The following LTN1 variants were observed in gnomAD, a reference collection of about 807,000 sequenced individuals.
LTN1 encodes the protein E3 ubiquitin-protein ligase listerin.
In LTN1, 88 loss-of-function variants were observed where a neutral mutation model predicts 201.2. That is an observed-to-expected ratio of 0.44 (90% CI 0.37 to 0.52). LTN1 has a LOEUF of 0.52. Among genes scored for constraint, LTN1 ranks in the 20% least tolerant of loss-of-function variants. LTN1 has a pLI of 0.00. For missense variants in LTN1, 1,752 were observed against 2,038.7 expected (o/e 0.86, Z 2.71); for synonymous variants, 645 against 713.5 (o/e 0.90, Z 1.53).
At chr21:28,938,427 G>A (rs915930738) in intron 25 of LTN1, among the ~76,000 whole-genome samples, 2 of 152,170 alleles carry the variant, frequency 1.3e-5, no homozygotes, top group Non-Finnish European at 2.9e-5. Context: ...ATCTAAAAGA[G>A]TATGTGATTT....
intron 24 of LTN1, 34 bp downstream of exon 24, chr21:28,943,228 A>G: frequency 7.4e-7 from 1 of 1,358,922 alleles, no homozygotes; most frequent in Non-Finnish European, 1.0e-6. Flanking sequence ...GATTATAAGA[A>G]TTTAATAAAA....
chr21:28,991,542 A>C (rs1235650460), intron 1 of LTN1, among the ~76,000 whole-genome samples: 2 of 152,230 alleles, frequency 1.3e-5, no homozygotes, highest in Non-Finnish European at 2.9e-5. Context: ...TAAGAGAGAG[A>C]AAGCAAATGC....
rs2084194594 is a variant in LTN1, at chr21:28,929,522, TAAG to T, written c.*923_*925del. 1 of 152,164 alleles carries T rather than the reference TAAG, an allele frequency of 6.6e-6. No individual in the cohort carries two copies. Among genetic ancestry groups the T allele is most frequent in the Non-Finnish European group, 1.5e-5 (1 of 67,992 alleles). 9.4% of individuals were successfully genotyped at this position (152,164 alleles called of 1,614,324 possible). ...TCTTATTTAGTATAACTTTGGCTGGTAAGAATAGCTCAGTTTGCTTCCAAAATT... is the reference window on the plus strand; with the variant it reads ...TCTTATTTAGTATAACTTTGGCTGGTAATAGCTCAGTTTGCTTCCAAAATT... On this transcript the variant is annotated 3_prime_UTR_variant, in exon 30 of 30. Transcript: ENST00000361371.
intron 25 of LTN1, among the ~76,000 whole-genome samples, chr21:28,938,373 T>C (rs1272817972): frequency 1.3e-5 from 2 of 152,302 alleles, no homozygotes; most frequent in African/African-American, 4.8e-5. Flanking sequence ...AGAGAAAGTA[T>C]GTGCAAATGT....
Position 28,965,802 on chromosome 21 carries a change from C to T in LTN1, c.2163+63G>A, listed in dbSNP as rs191192197. On this transcript the variant is annotated intron_variant, in intron 11 of 29. Transcript: ENST00000361371. Reference sequence around the variant, plus strand: ...CATATTTATTGTGTAAATAGGACTACGGTTATAATATTTCTATTCCCATAA... The same window carrying T: ...CATATTTATTGTGTAAATAGGACTATGGTTATAATATTTCTATTCCCATAA... The T allele has an allele frequency of 1.8e-4, 163 of 926,418 alleles. No individual in the cohort carries two copies. The East Asian group carries it at 2.6e-3, about 15-fold the overall frequency. The allele number at this position is 926,418 out of a possible 1,614,324, so 57.4% of individuals were successfully genotyped here.
intron 11 of LTN1, chr21:28,960,953 T>A: frequency 3.1e-6 from 1 of 322,404 alleles, no homozygotes; most frequent in Non-Finnish European, 5.7e-6. Context: ...CCCCCTTTTT[T>A]TTTTAACTTA....
At chr21:28,970,069 C>T (rs2084561118) in intron 8 of LTN1, among the ~76,000 whole-genome samples, 1 of 152,126 alleles carries the variant, frequency 6.6e-6, no homozygotes, top group South Asian at 2.1e-4. Context: ...TAAAAAAAAT[C>T]TGTAATCATT....
intron 18 of LTN1, among the ~76,000 whole-genome samples, chr21:28,951,609 G>C (rs529099314): frequency 1.8e-4 from 27 of 151,918 alleles, no homozygotes; most frequent in African/African-American, 6.5e-4. Flanking sequence ...AATGCTGTTG[G>C]CTTAAAAAAA....
rs375808977 is a variant in LTN1 at position 28,947,503 on chromosome 21, G to A, written c.3448C>T (p.Leu1150Phe). The A allele has an allele frequency of 3.8e-6, 6 of 1,569,950 alleles. No homozygotes were observed. Among genetic ancestry groups the A allele is most frequent in the East Asian group, 2.3e-5 (1 of 43,074 alleles). Residue 1150 changes from leucine to phenylalanine, a missense_variant, in exon 19 of 30, where the codon CTT becomes TTT. This residue lies in a region of LTN1 where 1,211 missense variants were observed against 1,312.8 expected (regional missense o/e 0.92). Coordinates refer to ENST00000361371, the MANE Select transcript of LTN1 (RefSeq NM_015565.3). ...AGATCTTTCTTAGTCCAGCCCAAAA[G>A]AGCAGGTATACATTGAGCACTAAAT... The part of the protein sequence containing the change: ...KEFSAQCIPA[L>F]LGWTKKDLCS...
intron 1 of LTN1, among the ~76,000 whole-genome samples, chr21:28,988,334 G>C (rs763555185): frequency 2.0e-5 from 3 of 151,950 alleles, no homozygotes; most frequent in Non-Finnish European, 4.4e-5. Context: ...AGGCGTGGTG[G>C]CATGTGCCTG....
At chr21:28,972,269 G>T (rs923543134) in intron 6 of LTN1, among the ~76,000 whole-genome samples, 1 of 152,088 alleles carries the variant, frequency 6.6e-6, no homozygotes, top group Non-Finnish European at 1.5e-5. Flanking sequence ...CTACAGAACC[G>T]TGAGAAATAA....
At position 28,935,026 on chromosome 21, in the gene LTN1, C is replaced by T. The variant is rs576818321; in HGVS notation, c.4875+83G>A. 4.3e-5 allele frequency: 39 copies of T among 905,938 alleles called. No individual in the cohort carries two copies. The East Asian group carries it at 4.9e-4, about 11-fold the overall frequency. The allele number at this position is 905,938 out of a possible 1,614,324, so 56.1% of individuals were successfully genotyped here. A position where few individuals can be genotyped will look rare whatever the true frequency, so the allele number is the denominator to read the frequency against. On this transcript the variant is annotated intron_variant, in intron 27 of 29. Transcript: ENST00000361371. Reference sequence around the variant, plus strand: ...GTTTCTATAAATTCTGAGTTAAGAGCTACAGTCTGTTATGATATTAACAAT... The same window carrying T: ...GTTTCTATAAATTCTGAGTTAAGAGTTACAGTCTGTTATGATATTAACAAT...
At chr21:28,960,811 A>C in intron 11 of LTN1, 105 bp from the exon 12 acceptor site, 1 of 727,096 alleles carries the variant, frequency 1.4e-6, no homozygotes, top group Non-Finnish European at 2.3e-6. Context: ...TCATGGCTCC[A>C]ATTCTATCCC....
At chr21:28,963,071 T>C (rs909179008) in intron 11 of LTN1, among the ~76,000 whole-genome samples, 1 of 152,076 alleles carries the variant, frequency 6.6e-6, no homozygotes, top group Non-Finnish European at 1.5e-5. Context: ...GAAGAAACCA[T>C]CTCCACAATA....
Position 28,943,469 on chromosome 21 carries a change from T to C in LTN1, c.4221-133A>G, listed in dbSNP as rs2084313045. The C allele has an allele frequency of 4.6e-5, 31 of 678,930 alleles. No homozygotes were observed. In the South Asian group the frequency reaches 5.9e-4, roughly 13 times the overall value. 42.1% of individuals were successfully genotyped at this position (678,930 alleles called of 1,614,324 possible). ...TGAGTTTTCTTTAAAATAACTACTA[T>C]AGCCAGGACTATTGAAATATAAATT... On this transcript the variant is annotated intron_variant, in intron 23 of 29. Coordinates refer to ENST00000361371, the MANE Select transcript of LTN1 (RefSeq NM_015565.3).
chr21:28,935,683 A>G (rs957687439), intron 26 of LTN1, among the ~76,000 whole-genome samples: 2 of 152,220 alleles, frequency 1.3e-5, no homozygotes, highest in Admixed American at 6.5e-5. Flanking sequence ...TACTAAAAAT[A>G]CAAAAAATTA....
intron 1 of LTN1, among the ~76,000 whole-genome samples, chr21:28,991,517 G>C (rs1342876457): frequency 6.6e-6 from 1 of 152,114 alleles, no homozygotes; most frequent in African/African-American, 2.4e-5. Context: ...TATAAGTTCA[G>C]AAAAATACAT....
At chr21:28,956,020 G>A (rs746119010) in intron 16 of LTN1, among the ~76,000 whole-genome samples, 4 of 151,610 alleles carry the variant, frequency 2.6e-5, no homozygotes, top group Admixed American at 6.6e-5. Context: ...AACCATGCAC[G>A]GAAAGACAAA....
chr21:28,936,719 G>A, intron 25 of LTN1, 22 bp from the exon 26 acceptor site: 1 of 1,584,052 alleles, frequency 6.3e-7, no homozygotes, highest in Non-Finnish European at 8.6e-7. Context: ...CAAAGAATTT[G>A]TTAGTAAACC....
Sources: allele counts gnomAD v4.1 joint callset (sites outside exome capture counted in the v4.1 genomes callset), GRCh38; gene constraint gnomAD v4.1.1; regional missense constraint gnomAD v4.1.1; transcripts MANE v1.5; gene names NCBI Gene and HGNC (gene_info 2026-07-23, HGNC 2026-07-21).